The following GTPBP1 variants were observed in gnomAD, a reference collection of about 807,000 sequenced individuals.
The protein encoded by GTPBP1 is GTP-binding protein 1.
In GTPBP1, 23 loss-of-function variants were observed where a neutral mutation model predicts 62.0. The ratio of observed to expected loss-of-function variants is 0.37; its 90% CI spans 0.27 to 0.53. GTPBP1 has a LOEUF of 0.53. GTPBP1 is among the 20% of genes least tolerant of loss of function. GTPBP1 has a pLI of 0.89. For missense variants in GTPBP1, 640 were observed against 917.3 expected (o/e 0.70, Z 3.90); for synonymous variants, 344 against 364.4 (o/e 0.94, Z 0.64).
downstream of GTPBP1, chr22:38,740,367 G>A: frequency 6.3e-7 from 1 of 1,577,490 alleles, no homozygotes; most frequent in African/African-American, 1.3e-5. This position sits in a 1 kb window ranked among gnomAD's most constrained non-coding sequence, Gnocchi z 4.8. Context: ...CTGCAGGCCG[G>A]CCAGCTGGTC....
Position 38,721,870 on chromosome 22 carries a change from G to T in GTPBP1, c.958+5G>T. ...GTCCTGCCAACATCCTGCAAGGTAA[G>T]TGAAGCCTCCAGCTAGCAGCAGCCC... On this transcript the variant is annotated splice_donor_5th_base_variant and intron_variant, in intron 5 of 11. Coordinates refer to ENST00000216044, the MANE Select transcript of GTPBP1 (RefSeq NM_004286.5). 1 of 1,572,546 alleles carries T rather than the reference G, an allele frequency of 6.4e-7. No individual in the cohort carries two copies. The highest frequency in any genetic ancestry group is 8.7e-7 in the Non-Finnish European group (1 of 1,150,098).
At chr22:38,723,539 G>T (rs372125204) in intron 5 of GTPBP1, 1 of 623,242 alleles carries the variant, frequency 1.6e-6, no homozygotes. Flanking sequence ...CCTTTGTCTT[G>T]TACTTAGGTC....
rs561002473 is a variant in GTPBP1, at chr22:38,722,829, A to G, written c.958+964A>G. ...ATCCAGTGTCCAGTTTGCTGGGCAG[A>G]CTTCTCCATGGGTTTCTACATACTG... On this transcript the variant is annotated intron_variant, in intron 5 of 11. Coordinates refer to ENST00000216044, the MANE Select transcript of GTPBP1 (RefSeq NM_004286.5). 6.4e-5 allele frequency: 101 copies of G among 1,571,368 alleles called. No homozygotes were observed. The South Asian group carries it at 1.1e-3, about 16-fold the overall frequency.
chr22:38,722,677 A>G lies in GTPBP1; in HGVS notation c.958+812A>G, dbSNP rs895829136. On this transcript the variant is annotated intron_variant, in intron 5 of 11. Transcript: ENST00000216044. ...TCTACAGATAATCATCTATAAAATG[A>G]TAAAAGCAGGCTTCAACTGTGTTTC... is the stretch of plus-strand genomic sequence containing the variant. The G allele has an allele frequency of 4.5e-6, 7 of 1,568,736 alleles. No homozygotes were observed. In the South Asian group the frequency reaches 6.8e-5, roughly 15 times the overall value.
At chr22:38,722,688 C>T (rs1569281780) in intron 5 of GTPBP1, 1 of 1,585,450 alleles carries the variant, frequency 6.3e-7, no homozygotes, top group Non-Finnish European at 8.6e-7. Context: ...TAAAAGCAGG[C>T]TTCAACTGTG....
downstream of GTPBP1, chr22:38,742,986 A>T (rs2092872767): frequency 6.1e-6 from 1 of 162,952 alleles, no homozygotes; most frequent in Admixed American, 6.4e-5. Flanking sequence ...CTGTCTGTGG[A>T]CTCTCAATGG....
At chr22:38,738,149 T>G, downstream of GTPBP1, 1 of 1,610,616 alleles carries the variant, frequency 6.2e-7, no homozygotes, top group Non-Finnish European at 8.5e-7. The surrounding 1 kb of genome is among the most constrained non-coding windows in gnomAD (Gnocchi z 6.6). Flanking sequence ...GCGCCACTTC[T>G]GCTAGCACAG....
intron 1 of GTPBP1, among the ~76,000 whole-genome samples, chr22:38,708,010 G>C (rs1187078028): frequency 6.6e-6 from 1 of 152,236 alleles, no homozygotes; most frequent in African/African-American, 2.4e-5. Context: ...TTCTGGGAAT[G>C]ATTGGGTGAA....
chr22:38,725,703 G>A lies in GTPBP1; in HGVS notation c.1074-303G>A, dbSNP rs143519144. 3.1e-5 allele frequency: 11 copies of A among 351,894 alleles called. No homozygotes were observed. In the East Asian group the frequency reaches 5.0e-4, roughly 16 times the overall value. The allele number at this position is 351,894 out of a possible 1,614,324, so 21.8% of individuals were successfully genotyped here. Reference sequence around the variant, plus strand: ...TTAAGGATTTTAAGCAAGCATGCGTGTGTTTTAGGAAGAAGCAGTCATGAG... The same window carrying A: ...TTAAGGATTTTAAGCAAGCATGCGTATGTTTTAGGAAGAAGCAGTCATGAG... On this transcript the variant is annotated intron_variant, in intron 6 of 11. Coordinates refer to ENST00000216044, the MANE Select transcript of GTPBP1 (RefSeq NM_004286.5).
chr22:38,716,204 TC>T lies in GTPBP1; in HGVS notation c.485+119del. 1.2e-6 allele frequency: 1 copy of T among 842,146 alleles called. No homozygotes were observed. The highest frequency in any genetic ancestry group is 1.9e-6 in the Non-Finnish European group (1 of 525,648). 52.2% of individuals were successfully genotyped at this position (842,146 alleles called of 1,614,324 possible). On this transcript the variant is annotated intron_variant, in intron 3 of 11. Coordinates refer to ENST00000216044, the MANE Select transcript of GTPBP1 (RefSeq NM_004286.5). This position sits in a 1 kb window ranked among gnomAD's most constrained non-coding sequence, Gnocchi z 5.2. ...CCCCTCCTGAGGCGGGGAAAGAGTG[TC>T]CAGGTGTCTGGAGACGTGGGCTCCT...
Position 38,716,612 on chromosome 22 carries a change from A to T in GTPBP1, c.486-40A>T. On this transcript the variant is annotated intron_variant, in intron 3 of 11. Transcript: ENST00000216044. This position sits in a 1 kb window ranked among gnomAD's most constrained non-coding sequence, Gnocchi z 5.2. ...GATGGTCGCTCCACCTCACTCATTC[A>T]CTAACTCTCACATAGATGTATGGGT... The T allele has an allele frequency of 6.9e-7, 1 of 1,442,690 alleles. No individual in the cohort carries two copies. The highest frequency in any genetic ancestry group is 9.6e-7 in the Non-Finnish European group (1 of 1,040,296). The allele number at this position is 1,442,690 out of a possible 1,614,324, so 89.4% of individuals were successfully genotyped here.
Position 38,716,603 on chromosome 22 carries a change from C to T in GTPBP1, c.486-49C>T, listed in dbSNP as rs1236992994. The T allele has an allele frequency of 3.0e-6, 4 of 1,350,358 alleles. No individual in the cohort carries two copies. Among genetic ancestry groups the T allele is most frequent in the African/African-American group, 2.9e-5 (2 of 69,504 alleles). 83.6% of individuals were successfully genotyped at this position (1,350,358 alleles called of 1,614,324 possible). A position where few individuals can be genotyped will look rare whatever the true frequency, so the allele number is the denominator to read the frequency against. On this transcript the variant is annotated intron_variant, in intron 3 of 11. Transcript: ENST00000216044. The surrounding 1 kb of genome is among the most constrained non-coding windows in gnomAD (Gnocchi z 5.2). ...TGGGGTTATGATGGTCGCTCCACCT[C>T]ACTCATTCACTAACTCTCACATAGA...
rs1035122155 is a variant in GTPBP1, at chr22:38,729,433, G to T, written c.1717-29G>T. The T allele has an allele frequency of 5.2e-6, 8 of 1,552,926 alleles. No individual in the cohort carries two copies. In the African/African-American group the frequency reaches 1.1e-4, roughly 22 times the overall value. On this transcript the variant is annotated intron_variant, in intron 10 of 11. Transcript: ENST00000216044. ...CCAGTGCCACTGCCCCGCAGCTCCAGCCTCAGCCTCTCTCCATGGCTCCCA... is the reference window on the plus strand; with the variant it reads ...CCAGTGCCACTGCCCCGCAGCTCCATCCTCAGCCTCTCTCCATGGCTCCCA...
chr22:38,740,878 C>T, downstream of GTPBP1: 4 of 1,073,782 alleles, frequency 3.7e-6, no homozygotes, highest in Non-Finnish European at 5.5e-6. This position sits in a 1 kb window ranked among gnomAD's most constrained non-coding sequence, Gnocchi z 4.8. Flanking sequence ...GGTTTCAACC[C>T]CTCCCCCTAC....
In GTPBP1 at chr22:38,728,036, T is replaced by G. The variant is rs773234407; in HGVS notation, c.1591T>G (p.Cys531Gly). The change falls in exon 10 of 12, where the codon TGT becomes GGT. Residue 531 changes from cysteine (C) to glycine (G), a missense_variant. Physicochemically the swap from Cys to Gly is radical, Grantham distance 159. This residue lies in a region of GTPBP1 where 220 missense variants were observed against 358.1 expected (regional missense o/e 0.61). Coordinates refer to ENST00000216044, the MANE Select transcript of GTPBP1 (RefSeq NM_004286.5). Reference protein sequence around the residue: ...TATILSMDKDCLRTGDKATVH... With the variant: ...TATILSMDKDGLRTGDKATVH... ...CACCATTCTGAGCATGGACAAGGAC[T>G]GTCTGCGCACTGGGGACAAGGCCAC... 1 of 1,613,694 alleles carries G rather than the reference T, an allele frequency of 6.2e-7. No homozygotes were observed. Among genetic ancestry groups the G allele is most frequent in the South Asian group, 1.1e-5 (1 of 91,074 alleles).
At chr22:38,738,361 A>G, downstream of GTPBP1, 1 of 1,204,672 alleles carries the variant, frequency 8.3e-7, no homozygotes, top group Non-Finnish European at 1.2e-6. The surrounding 1 kb of genome is among the most constrained non-coding windows in gnomAD (Gnocchi z 6.6). Flanking sequence ...CAGGTCAGGC[A>G]CCAGAGTGGC....
downstream of GTPBP1, among the ~76,000 whole-genome samples, chr22:38,737,049 G>A (rs754486923): frequency 2.0e-4 from 30 of 152,132 alleles, no homozygotes; most frequent in Non-Finnish European, 3.8e-4. This position sits in a 1 kb window ranked among gnomAD's most constrained non-coding sequence, Gnocchi z 4.1. Flanking sequence ...ATCTCGCTGT[G>A]TTCACCAGCC....
downstream of GTPBP1, chr22:38,740,560 C>A: frequency 9.4e-7 from 1 of 1,068,196 alleles, no homozygotes; most frequent in Non-Finnish European, 1.3e-6. This position sits in a 1 kb window ranked among gnomAD's most constrained non-coding sequence, Gnocchi z 4.8. Flanking sequence ...CATTGTGAAC[C>A]TGAGAAGGGG....
rs991553417 is a variant in GTPBP1, at chr22:38,727,560, G to A, written c.1537+212G>A. Among the ~76,000 whole-genome samples, 6 of 152,176 alleles carry A rather than the reference G, an allele frequency of 3.9e-5. No individual in the cohort carries two copies. The highest frequency in any genetic ancestry group is 1.4e-4 in the African/African-American group (6 of 41,434). Reference sequence around the variant, plus strand: ...GGCTGGGCTCTTGAGACCCAGACCTGTCCTCAGGGACCTCACATGCAATCC... The same window carrying A: ...GGCTGGGCTCTTGAGACCCAGACCTATCCTCAGGGACCTCACATGCAATCC... On this transcript the variant is annotated intron_variant, in intron 9 of 11. Transcript: ENST00000216044. This position sits in a 1 kb window ranked among gnomAD's most constrained non-coding sequence, Gnocchi z 6.5.
Sources: gnomAD v4.1 joint callset for allele counts (sites outside exome capture counted in the v4.1 genomes callset) on GRCh38, gnomAD v4.1.1 for gene constraint, gnomAD v4.1.1 regional missense constraint, Gnocchi (gnomAD v3.1) non-coding constraint, MANE v1.5 for transcripts, NCBI Gene and HGNC (gene_info 2026-07-23, HGNC 2026-07-21) for gene names.